CLVS1: variants seen among roughly 807,000 people sequenced by gnomAD.
The protein encoded by CLVS1 is clavesin 1, also known as clavesin-1.
CLVS1 carries 10 observed loss-of-function variants against 33.1 expected under a neutral mutation model. That is an observed-to-expected ratio of 0.30 (90% CI 0.19 to 0.51). The LOEUF (loss-of-function observed/expected upper bound fraction) is 0.51, where lower values mean the gene tolerates loss of function less well. Among genes scored for constraint, CLVS1 ranks in the 20% least tolerant of loss-of-function variants. CLVS1 has a pLI of 0.97. For missense variants in CLVS1, 343 were observed against 433.4 expected (o/e 0.79, Z 1.85); for synonymous variants, 163 against 166.1 (o/e 0.98, Z 0.14).
intron 3 of CLVS1, among the ~76,000 whole-genome samples, chr8:61,429,895 T>C (rs1231884064): frequency 6.6e-6 from 1 of 152,214 alleles, no homozygotes; most frequent in Non-Finnish European, 1.5e-5. Flanking sequence ...ATTTTATTAG[T>C]AATAATTTTC....
chr8:61,117,162 GCT>G (rs1173422362), intron 1 of CLVS1, among the ~76,000 whole-genome samples: 1 of 121,140 alleles, frequency 8.3e-6, no homozygotes, highest in Non-Finnish European at 1.7e-5. Flanking sequence ...TCATGATTTG[GCT>G]CTCTGTTTGT....
the CLVS1 span, among the ~76,000 whole-genome samples, chr8:61,018,131 T>C: frequency 6.6e-6 from 1 of 152,212 alleles, no homozygotes; most frequent in Non-Finnish European, 1.5e-5. Flanking sequence ...AAGAATTTTC[T>C]AACGTATGCA....
At chr8:61,134,255 C>A (rs927816799) in intron 2 of CLVS1, among the ~76,000 whole-genome samples, 1 of 152,114 alleles carries the variant, frequency 6.6e-6, no homozygotes, top group Non-Finnish European at 1.5e-5. Context: ...AGATGGAAGA[C>A]CCCCGCCCTC....
At chr8:61,452,623 C>A (rs1291742403) in intron 3 of CLVS1, among the ~76,000 whole-genome samples, 1 of 152,124 alleles carries the variant, frequency 6.6e-6, no homozygotes, top group African/African-American at 2.4e-5. Context: ...AGAATCTTTA[C>A]ATTTCTTCAA....
chr8:61,415,843 A>C (rs572356575), intron 3 of CLVS1, among the ~76,000 whole-genome samples: 1 of 152,358 alleles, frequency 6.6e-6, no homozygotes, highest in South Asian at 2.1e-4. Flanking sequence ...ACGGATAGGA[A>C]GAAAAATTTT....
intron 2 of CLVS1, among the ~76,000 whole-genome samples, chr8:61,312,926 A>G (rs1810882770): frequency 6.6e-6 from 1 of 152,126 alleles, no homozygotes. Flanking sequence ...TTCCTAATAA[A>G]ATTGGTTCAG....
intron 2 of CLVS1, among the ~76,000 whole-genome samples, chr8:61,161,803 C>G (rs1806757684): frequency 6.6e-6 from 1 of 151,872 alleles, no homozygotes; most frequent in African/African-American, 2.4e-5. Context: ...GTTCTCATCG[C>G]AAAAAAATAA....
chr8:61,359,553 A>ACCTGG (rs1812883874), intron 2 of CLVS1, among the ~76,000 whole-genome samples: 1 of 152,032 alleles, frequency 6.6e-6, no homozygotes, highest in Non-Finnish European at 1.5e-5. Flanking sequence ...ATGGGGTTTC[A>ACCTGG]CCATGTTGGC....
At chr8:61,321,706 A>G (rs1811200003) in intron 2 of CLVS1, among the ~76,000 whole-genome samples, 1 of 152,130 alleles carries the variant, frequency 6.6e-6, no homozygotes, top group African/African-American at 2.4e-5. Context: ...TTAAAGTTCC[A>G]GAGATGTCAT....
the CLVS1 span, among the ~76,000 whole-genome samples, chr8:60,976,560 G>A: frequency 6.6e-6 from 1 of 152,282 alleles, no homozygotes; most frequent in South Asian, 2.1e-4. Flanking sequence ...GCACTACTGG[G>A]TAATGTCATG....
At chr8:61,356,382 G>A (rs1424874791) in intron 2 of CLVS1, among the ~76,000 whole-genome samples, 2 of 151,994 alleles carry the variant, frequency 1.3e-5, no homozygotes, top group Admixed American at 6.6e-5. Context: ...CACTCTGATG[G>A]TAGTTTCTTT....
chr8:61,385,916 G>T (rs1471016413), intron 3 of CLVS1, among the ~76,000 whole-genome samples: 121 of 152,170 alleles, frequency 8.0e-4, no homozygotes, highest in Admixed American at 7.9e-3. Context: ...AAGATGCCAG[G>T]CAATGACAAG....
chr8:61,011,298 C>T, the CLVS1 span, among the ~76,000 whole-genome samples: 6 of 152,080 alleles, frequency 3.9e-5, no homozygotes, highest in African/African-American at 1.4e-4. Flanking sequence ...TTCTTACTGT[C>T]TCAGGAAATA....
At chr8:61,114,689 A>G (rs1389486110) in intron 1 of CLVS1, among the ~76,000 whole-genome samples, 1 of 152,208 alleles carries the variant, frequency 6.6e-6, no homozygotes, top group Non-Finnish European at 1.5e-5. Context: ...GAGTTCTAGA[A>G]TGGCCAGAAG....
At chr8:61,252,128 A>T (rs764839580) in intron 2 of CLVS1, among the ~76,000 whole-genome samples, 38 of 152,094 alleles carry the variant, frequency 2.5e-4, no homozygotes, top group Admixed American at 1.3e-4. Context: ...CTTCATTCTC[A>T]TCAGTTTCAA....
intron 2 of CLVS1, among the ~76,000 whole-genome samples, chr8:61,236,631 T>C (rs984795431): frequency 6.6e-6 from 1 of 151,920 alleles, no homozygotes; most frequent in Non-Finnish European, 1.5e-5. Context: ...AAAGCCCATC[T>C]CTCCTCCCCA....
At chr8:61,062,565 A>T (rs535180220) in intron 1 of CLVS1, among the ~76,000 whole-genome samples, 40 of 152,258 alleles carry the variant, frequency 2.6e-4, no homozygotes, top group Non-Finnish European at 4.7e-4. Flanking sequence ...GTTTTCATTG[A>T]GGGCTTGCTT....
At chr8:61,145,558 C>T (rs113421734) in intron 2 of CLVS1, among the ~76,000 whole-genome samples, 27 of 152,326 alleles carry the variant, frequency 1.8e-4, no homozygotes, top group African/African-American at 6.3e-4. Context: ...GGGCATCTTG[C>T]CTGTCCTTCC....
intron 1 of CLVS1, among the ~76,000 whole-genome samples, chr8:61,089,841 G>A (rs1296165596): frequency 6.6e-6 from 1 of 152,174 alleles, no homozygotes; most frequent in Non-Finnish European, 1.5e-5. Context: ...AGGGTTGCTC[G>A]AGCCCAGGAA....
Sources: allele counts gnomAD v4.1 joint callset (sites outside exome capture counted in the v4.1 genomes callset), GRCh38; gene constraint gnomAD v4.1.1; transcripts MANE v1.5; gene names NCBI Gene and HGNC (gene_info 2026-07-23, HGNC 2026-07-21).